The following RERE variants were observed in gnomAD, a reference collection of about 807,000 sequenced individuals.
The protein encoded by RERE is arginine-glutamic acid dipeptide repeats protein.
Under a neutral mutation model 146.1 loss-of-function variants are expected in RERE, and 40 were observed. That is an observed-to-expected ratio of 0.27 (90% CI 0.21 to 0.36). The LOEUF (loss-of-function observed/expected upper bound fraction) is 0.36, where lower values mean the gene tolerates loss of function less well. Ranked by LOEUF, RERE falls within the 10% of genes least tolerant of loss-of-function variation. RERE has a pLI of 1.00. For synonymous variants in RERE, 1,003 were observed against 866.0 expected (o/e 1.16, Z -2.78); for missense variants, 1,933 against 2,138.7 (o/e 0.90, Z 1.90).
At chr1:8,753,217 G>T (rs746781302) in intron 1 of RERE, among the ~76,000 whole-genome samples, 2 of 152,126 alleles carry the variant, frequency 1.3e-5, no homozygotes, top group South Asian at 2.1e-4. Flanking sequence ...TAAAAGGAGG[G>T]AATAAACAAT....
intron 4 of RERE, among the ~76,000 whole-genome samples, chr1:8,559,298 A>AAAAAAAC: frequency 6.9e-6 from 1 of 145,494 alleles, no homozygotes; most frequent in African/African-American, 2.5e-5. Flanking sequence ...AAAAAAAAAA[A>AAAAAAAC]AAAAAACAGA....
At chr1:8,699,896 C>T (rs180908319) in intron 1 of RERE, among the ~76,000 whole-genome samples, 97 of 152,290 alleles carry the variant, frequency 6.4e-4, no homozygotes, top group African/African-American at 2.3e-3. Context: ...CCTCAGCCCC[C>T]ATCTTCTATC....
chr1:8,599,574 C>T (rs996769303), intron 4 of RERE, among the ~76,000 whole-genome samples: 5 of 152,044 alleles, frequency 3.3e-5, no homozygotes, highest in African/African-American at 7.2e-5. Context: ...CACTGTAAAA[C>T]GGAAGAGAAT....
At chr1:8,466,248 T>C (rs187364823) in intron 10 of RERE, among the ~76,000 whole-genome samples, 13 of 152,104 alleles carry the variant, frequency 8.5e-5, no homozygotes, top group Non-Finnish European at 1.3e-4. Flanking sequence ...AGGCAGAAAA[T>C]ATTTTGGCAA....
chr1:8,801,732 A>G (rs1437532822), intron 1 of RERE, among the ~76,000 whole-genome samples: 2 of 152,244 alleles, frequency 1.3e-5, no homozygotes. Context: ...CAATTTATTT[A>G]CAGCTTTCAA....
At chr1:8,736,086 G>A (rs897374644) in intron 1 of RERE, among the ~76,000 whole-genome samples, 12 of 152,164 alleles carry the variant, frequency 7.9e-5, no homozygotes, top group Admixed American at 2.6e-4. Flanking sequence ...AAATGTATAC[G>A]CTATAGCAAA....
At chr1:8,609,831 C>A (rs1646769442) in intron 4 of RERE, among the ~76,000 whole-genome samples, 1 of 152,170 alleles carries the variant, frequency 6.6e-6, no homozygotes, top group Non-Finnish European at 1.5e-5. Flanking sequence ...CTTACTTCAG[C>A]AAAAATAACT....
At chr1:8,657,023 C>G (rs949087496) in intron 1 of RERE, among the ~76,000 whole-genome samples, 1 of 152,170 alleles carries the variant, frequency 6.6e-6, no homozygotes, top group Non-Finnish European at 1.5e-5. Context: ...TCAGGATAGG[C>G]CGGGCGCGGT....
chr1:8,808,856 G>A (rs1388252975), intron 1 of RERE, among the ~76,000 whole-genome samples: 1 of 151,820 alleles, frequency 6.6e-6, no homozygotes, highest in Non-Finnish European at 1.5e-5. Flanking sequence ...ATTGAGGGAG[G>A]GCTGGGTGCA....
At chr1:8,454,824 C>CA (rs1382889542) in intron 11 of RERE, among the ~76,000 whole-genome samples, 13 of 149,754 alleles carry the variant, frequency 8.7e-5, no homozygotes, top group African/African-American at 3.0e-4. Flanking sequence ...AACAAACAAA[C>CA]AACAAAAAAA....
intron 12 of RERE, among the ~76,000 whole-genome samples, chr1:8,416,496 G>C (rs1435004634): frequency 6.7e-6 from 1 of 149,790 alleles, no homozygotes; most frequent in African/African-American, 2.5e-5. Flanking sequence ...TGAGGCAGGA[G>C]AATGGCGTGA....
At position 8,423,509 on chromosome 1, in the gene RERE, C is replaced by T. The variant is rs1170224203; in HGVS notation, c.1204-702G>A. On this transcript the variant is annotated intron_variant, in intron 11 of 22. Coordinates refer to ENST00000400908, the MANE Select transcript of RERE (RefSeq NM_001042681.2). This position sits in a 1 kb window ranked among gnomAD's most constrained non-coding sequence, Gnocchi z 5.4. Reference sequence around the variant, plus strand: ...GACTTTCACTTTGTCCCATGCCTCCCGAGCACCCCTCCCCGCCCCGGTGGG... The same window carrying T: ...GACTTTCACTTTGTCCCATGCCTCCTGAGCACCCCTCCCCGCCCCGGTGGG... 8.2e-6 allele frequency: 8 copies of T among 980,704 alleles called. No individual in the cohort carries two copies. The African/African-American group carries it at 1.2e-4, about 15-fold the overall frequency. 60.8% of individuals were successfully genotyped at this position (980,704 alleles called of 1,614,324 possible). A position where few individuals can be genotyped will look rare whatever the true frequency, so the allele number is the denominator to read the frequency against.
chr1:8,360,911 G>A lies in RERE; in HGVS notation c.2596C>T (p.Pro866Ser), dbSNP rs1003163098. 6.7e-7 allele frequency: 1 copy of A among 1,489,692 alleles called. No individual in the cohort carries two copies. Among genetic ancestry groups the A allele is most frequent in the African/African-American group, 1.4e-5 (1 of 71,458 alleles). 92.3% of individuals were successfully genotyped at this position (1,489,692 alleles called of 1,614,324 possible). A position where few individuals can be genotyped will look rare whatever the true frequency, so the allele number is the denominator to read the frequency against. The change falls in exon 18 of 23, where the codon CCA (proline) becomes TCA (serine). Residue 866 changes from proline (P) to serine (S), a missense_variant. Pro to Ser is a moderately conservative substitution (Grantham distance 74). Transcript: ENST00000400908. ...AGGCCAAAGGGCTGTGGGGGGCCTG[G>A]GTGCTGCAGCAGGGGCCCAGCCTGC... Reference protein sequence around the residue: ...SLQAGPLLQHPGPPQPFGLPP... With the variant: ...SLQAGPLLQHSGPPQPFGLPP...
intron 1 of RERE, among the ~76,000 whole-genome samples, chr1:8,780,288 A>G (rs909724877): frequency 2.6e-5 from 4 of 152,178 alleles, no homozygotes; most frequent in Admixed American, 1.3e-4. Flanking sequence ...GGCTTTGGGT[A>G]GACATTACAG....
intron 12 of RERE, among the ~76,000 whole-genome samples, chr1:8,419,456 T>A (rs1643863913): frequency 1.3e-5 from 2 of 152,124 alleles, no homozygotes; most frequent in Admixed American, 1.3e-4. Flanking sequence ...AAGAATGAGG[T>A]CTCAACAAAG....
rs143742547 is a variant in RERE at position 8,814,183 on chromosome 1, G to C, written c.-145+2977C>G. Among the ~76,000 whole-genome samples, 11 of 152,294 alleles carry C rather than the reference G, an allele frequency of 7.2e-5. No individual in the cohort carries two copies. In the East Asian group the frequency reaches 2.1e-3, roughly 29 times the overall value. On this transcript the variant is annotated intron_variant, in intron 1 of 22. Coordinates refer to ENST00000400908, the MANE Select transcript of RERE (RefSeq NM_001042681.2). Reference sequence around the variant, plus strand: ...AGAGATTACTCTTGAAGTTTTGAAAGTAAAGTGAATCAGAAGTCACATTCC... The same window carrying C: ...AGAGATTACTCTTGAAGTTTTGAAACTAAAGTGAATCAGAAGTCACATTCC...
chr1:8,626,140 A>C (rs1351112513), intron 2 of RERE, among the ~76,000 whole-genome samples: 1 of 152,226 alleles, frequency 6.6e-6, no homozygotes, highest in African/African-American at 2.4e-5. Context: ...TTCCCACCAC[A>C]GTAGATCATT....
intron 12 of RERE, among the ~76,000 whole-genome samples, chr1:8,402,173 G>A (rs1643285301): frequency 6.6e-6 from 1 of 152,180 alleles, no homozygotes; most frequent in African/African-American, 2.4e-5. Context: ...GGCCAACGCT[G>A]TGTAACTTCT....
chr1:8,392,592 C>G (rs1302101971), intron 12 of RERE, among the ~76,000 whole-genome samples: 1 of 152,164 alleles, frequency 6.6e-6, no homozygotes, highest in African/African-American at 2.4e-5. Context: ...TATCTACCCC[C>G]ACCCCTCCAT....
Sources: allele counts gnomAD v4.1 joint callset (sites outside exome capture counted in the v4.1 genomes callset), GRCh38; gene constraint gnomAD v4.1.1; non-coding constraint Gnocchi (gnomAD v3.1); transcripts MANE v1.5; gene names NCBI Gene and HGNC (gene_info 2026-07-23, HGNC 2026-07-21).